COQ5: variants seen among roughly 807,000 people sequenced by gnomAD.
COQ5 encodes 2-methoxy-6-polyprenyl-1,4-benzoquinol methylase, mitochondrial.
COQ5 carries 27 observed loss-of-function variants against 40.5 expected under a neutral mutation model. The observed-to-expected ratio is 0.67, with a 90% CI of 0.49 to 0.92. The LOEUF is 0.92. Among genes scored for constraint, COQ5 ranks in the 40% least tolerant of loss-of-function variants. The probability of loss-of-function intolerance (pLI) is 0.00; values close to 1 mark genes in which losing one functional copy is unlikely to be tolerated. For missense variants in COQ5, 409 were observed against 406.4 expected (o/e 1.01, Z -0.06); for synonymous variants, 141 against 150.0 (o/e 0.94, Z 0.44).
In COQ5 at chr12:120,529,000, G is replaced by C. The variant is rs1443706703; in HGVS notation, c.142C>G (p.Arg48Gly). 4 of 1,613,926 alleles carry C rather than the reference G, an allele frequency of 2.5e-6. No individual in the cohort carries two copies. The highest frequency in any genetic ancestry group is 2.2e-5 in the East Asian group (1 of 44,866). The change falls in exon 1 of 7, where the codon CGG becomes GGG. Residue 48 changes from arginine to glycine, a missense_variant. Transcript: ENST00000288532. ...AACCCAAAGTGCGTTTCCGCTGCCC[G>C]CTTCTCTTGGGACAAGAGCCGAGCA... is the stretch of plus-strand genomic sequence containing the variant. ...LSARLLSQEK[R>G]AAETHFGFET...
chr12:120,524,103 G>A (rs1230761915), intron 1 of COQ5: 1 of 252,968 alleles, frequency 4.0e-6, no homozygotes, highest in South Asian at 3.4e-5. Flanking sequence ...ACAATTTGGT[G>A]GGCACCTAGA....
chr12:120,504,926 A>C lies in COQ5; in HGVS notation c.739T>G (p.Phe247Val), dbSNP rs1479292601. The C allele has an allele frequency of 6.2e-7, 1 of 1,614,186 alleles. No homozygotes were observed. Among genetic ancestry groups the C allele is most frequent in the Admixed American group, 1.7e-5 (1 of 60,014 alleles). Residue 247 changes from phenylalanine to valine, a missense_variant, in exon 5 of 7, where the codon TTT becomes GTT. Transcript: ENST00000288532. ...ATGAGGGGATTGTTCACTTGGCTAA[A>C]TTCCAGACAGAGAAACCGTCCTCCT... ...KPGGRFLCLE[F>V]SQVNNPLISR...
rs1418350775 is a variant in COQ5 at position 120,503,384 on chromosome 12, A to G, written c.*400T>C. The G allele has an allele frequency of 5.4e-6, 2 of 367,460 alleles. No homozygotes were observed. Among genetic ancestry groups the G allele is most frequent in the Admixed American group, 3.6e-5 (1 of 27,672 alleles). 22.8% of individuals were successfully genotyped at this position (367,460 alleles called of 1,614,324 possible). On this transcript the variant is annotated 3_prime_UTR_variant, in exon 7 of 7. Coordinates refer to ENST00000288532, the MANE Select transcript of COQ5 (RefSeq NM_032314.4). Reference sequence around the variant, plus strand: ...TAGGCTGAAAGGTTGATTCAGGTACAATTAAATTTTCTGGTTAAAAATTGT... The same window carrying G: ...TAGGCTGAAAGGTTGATTCAGGTACGATTAAATTTTCTGGTTAAAAATTGT...
Position 120,503,953 on chromosome 12 carries a change from C to A in COQ5, c.882+17G>T. On this transcript the variant is annotated intron_variant, in intron 6 of 6. Transcript: ENST00000288532. ...ATCACTGTAGGGCCTTTGTTTAAAG[C>A]TATAGAAGTTTCATACCTGAGACGG... 1.9e-6 allele frequency: 3 copies of A among 1,600,448 alleles called. No homozygotes were observed. Among genetic ancestry groups the A allele is most frequent in the East Asian group, 2.2e-5 (1 of 44,820 alleles).
rs865791912 is a variant in COQ5 at position 120,505,060 on chromosome 12, C to T, written c.682-77G>A. ...TTCCATGAGGCCAAGACAGCTTTAG[C>T]TTCTGCAGGCATTAAAAAAGTTATC... On this transcript the variant is annotated intron_variant, in intron 4 of 6. Coordinates refer to ENST00000288532, the MANE Select transcript of COQ5 (RefSeq NM_032314.4). The T allele has an allele frequency of 6.8e-6, 8 of 1,173,926 alleles. 1 individual carries two copies. The Middle Eastern group carries it at 1.5e-3, about 226-fold the overall frequency. The allele number at this position is 1,173,926 out of a possible 1,614,324, so 72.7% of individuals were successfully genotyped here.
At chr12:120,517,873 T>G (rs1044062474) in intron 2 of COQ5, among the ~76,000 whole-genome samples, 8 of 151,576 alleles carry the variant, frequency 5.3e-5, no homozygotes, top group Middle Eastern at 6.8e-3. Flanking sequence ...AATGGCGCGA[T>G]CTGAGCTCAC....
At chr12:120,521,285 T>C (rs1415288556) in intron 2 of COQ5, among the ~76,000 whole-genome samples, 1 of 150,962 alleles carries the variant, frequency 6.6e-6, no homozygotes, top group Non-Finnish European at 1.5e-5. Context: ...CAGTCTGGTC[T>C]TGAACTCCTG....
intron 1 of COQ5, chr12:120,523,988 C>T (rs1035754494): frequency 6.7e-5 from 23 of 341,162 alleles, no homozygotes; most frequent in South Asian, 1.8e-4. Context: ...CCAGCCTGGG[C>T]GACAGAGAGA....
chr12:120,516,522 A>G lies in COQ5; in HGVS notation c.574+45T>C, dbSNP rs561009074. 11 of 1,437,232 alleles carry G rather than the reference A, an allele frequency of 7.7e-6. No homozygotes were observed. In the East Asian group the frequency reaches 1.8e-4, roughly 24 times the overall value. 89.0% of individuals were successfully genotyped at this position (1,437,232 alleles called of 1,614,324 possible). On this transcript the variant is annotated intron_variant, in intron 3 of 6. Coordinates refer to ENST00000288532, the MANE Select transcript of COQ5 (RefSeq NM_032314.4). ...TTTTACATATTCCACCTTATTCTAT[A>G]AAGATACAAATACTTCCCCTGTGTC...
intron 3 of COQ5, among the ~76,000 whole-genome samples, chr12:120,512,617 TAAAC>T (rs1314357192): frequency 2.6e-5 from 4 of 151,730 alleles, no homozygotes; most frequent in East Asian, 1.9e-4. Flanking sequence ...AATACATAAA[TAAAC>T]AAACAAATAA....
chr12:120,523,366 G>A (rs1593024820), intron 1 of COQ5: 1 of 353,774 alleles, frequency 2.8e-6, no homozygotes, highest in East Asian at 8.3e-5. Context: ...TCATATCTTT[G>A]TGATCGGGGT....
At chr12:120,513,399 G>A (rs553952691) in intron 3 of COQ5, among the ~76,000 whole-genome samples, 29 of 151,262 alleles carry the variant, frequency 1.9e-4, no homozygotes, top group Admixed American at 5.3e-4. Flanking sequence ...CTGCTGCGGA[G>A]GCTGAGGCAA....
At chr12:120,519,402 T>C (rs1156297473) in intron 2 of COQ5, among the ~76,000 whole-genome samples, 2 of 151,860 alleles carry the variant, frequency 1.3e-5, no homozygotes, top group Non-Finnish European at 2.9e-5. Flanking sequence ...ATACTAAAAA[T>C]ACACAAAATC....
intron 3 of COQ5, among the ~76,000 whole-genome samples, chr12:120,512,544 G>T (rs537289742): frequency 6.6e-6 from 1 of 152,044 alleles, no homozygotes; most frequent in African/African-American, 2.4e-5. Flanking sequence ...AGGTTGCAGT[G>T]AGCTGAGATC....
At chr12:120,525,169 G>A (rs1023393502) in intron 1 of COQ5, among the ~76,000 whole-genome samples, 2 of 151,694 alleles carry the variant, frequency 1.3e-5, no homozygotes, top group African/African-American at 4.9e-5. Flanking sequence ...GCGCAATCTC[G>A]GCTCACTGCA....
chr12:120,521,774 A>C (rs1056046365), intron 2 of COQ5, among the ~76,000 whole-genome samples: 1 of 151,962 alleles, frequency 6.6e-6, no homozygotes, highest in Admixed American at 6.6e-5. Flanking sequence ...AGGCAGGCAG[A>C]CTGCCTGAAC....
intron 2 of COQ5, among the ~76,000 whole-genome samples, chr12:120,518,857 C>T (rs553208617): frequency 2.0e-5 from 3 of 152,296 alleles, no homozygotes; most frequent in South Asian, 4.1e-4. Flanking sequence ...CCAACGTGCT[C>T]GGCCATATAT....
rs370910329 is a variant in COQ5 at position 120,522,203 on chromosome 12, C to T, written c.352+11G>A. On this transcript the variant is annotated intron_variant, in intron 2 of 6. Transcript: ENST00000288532. ...CTCAATGGTAGTGAAGGATACCAAA[C>T]TCGACATTACCTGTGCCTCCAGCAA... 1.9e-5 allele frequency: 30 copies of T among 1,613,980 alleles called. No homozygotes were observed. The South Asian group carries it at 2.9e-4, about 15-fold the overall frequency.
rs1176340696 is a variant in COQ5 at position 120,519,870 on chromosome 12, C to CA, written c.352+2343dup. Among the ~76,000 whole-genome samples, 325 of 99,136 alleles carry CA rather than the reference C, an allele frequency of 3.3e-3. 3 individuals carry two copies. Among genetic ancestry groups the CA allele is most frequent in the African/African-American group, 7.1e-3 (185 of 25,974 alleles). 65.0% of individuals were successfully genotyped at this position (99,136 alleles called of 152,430 possible). On this transcript the variant is annotated intron_variant, in intron 2 of 6. Coordinates refer to ENST00000288532, the MANE Select transcript of COQ5 (RefSeq NM_032314.4). ...GGGCAACAAGAACGAGACTTGGACT[C>CA]AAAAAAAAAAAAAAAAAAAAAGTGG...
Sources: allele counts gnomAD v4.1 joint callset (sites outside exome capture counted in the v4.1 genomes callset), GRCh38; gene constraint gnomAD v4.1.1; transcripts MANE v1.5; gene names NCBI Gene and HGNC (gene_info 2026-07-23, HGNC 2026-07-21).